ITPR2: variants seen among roughly 807,000 people sequenced by gnomAD.
ITPR2 encodes the protein inositol 1,4,5-trisphosphate-gated calcium channel ITPR2.
A neutral mutation model predicts 317.1 loss-of-function variants in ITPR2; 207 were observed. The ratio of observed to expected loss-of-function variants is 0.65; its 90% CI spans 0.58 to 0.73. The LOEUF is 0.73. ITPR2 is among the 30% of genes least tolerant of loss of function. ITPR2 has a pLI of 0.00. For synonymous variants in ITPR2, 1,156 were observed against 1,149.1 expected (o/e 1.01, Z -0.12); for missense variants, 2,613 against 3,284.0 (o/e 0.80, Z 4.99).
At chr12:26,443,406 C>T in intron 46 of ITPR2, 137 bp downstream of exon 46, 2 of 574,200 alleles carry the variant, frequency 3.5e-6, no homozygotes, top group Non-Finnish European at 6.0e-6. Context: ...CTCACTCATC[C>T]TTTTACTATA....
chr12:26,403,663 A>G (rs1193237272), intron 52 of ITPR2, among the ~76,000 whole-genome samples: 2 of 152,218 alleles, frequency 1.3e-5, no homozygotes, highest in Non-Finnish European at 2.9e-5. Context: ...GCAGTGATGC[A>G]AAGAGACAGA....
rs1377196614 is a variant in ITPR2 at position 26,681,856 on chromosome 12, A to G, written c.1409+18T>C. ...GACAACTGACTCGTGATTATTTAAGACCAATTTAAAGAGTTACCTCCTTTC... is the reference window on the plus strand; with the variant it reads ...GACAACTGACTCGTGATTATTTAAGGCCAATTTAAAGAGTTACCTCCTTTC... On this transcript the variant is annotated intron_variant, in intron 13 of 56. Coordinates refer to ENST00000381340, the MANE Select transcript of ITPR2 (RefSeq NM_002223.4). 7.9e-6 allele frequency: 12 copies of G among 1,518,478 alleles called. No individual in the cohort carries two copies. Among genetic ancestry groups the G allele is most frequent in the Admixed American group, 7.5e-5 (4 of 53,390 alleles). The allele number at this position is 1,518,478 out of a possible 1,614,324, so 94.1% of individuals were successfully genotyped here. A position where few individuals can be genotyped will look rare whatever the true frequency, so the allele number is the denominator to read the frequency against.
At chr12:26,823,088 G>C (rs896094043) in intron 1 of ITPR2, among the ~76,000 whole-genome samples, 2 of 151,990 alleles carry the variant, frequency 1.3e-5, no homozygotes, top group African/African-American at 4.8e-5. Flanking sequence ...CTCCCGCCAG[G>C]TCATCCCAAT....
In ITPR2 at chr12:26,387,433, C is replaced by G. The variant is rs1242494242; in HGVS notation, c.7857+1G>C. 6.2e-7 allele frequency: 1 copy of G among 1,613,136 alleles called. No individual in the cohort carries two copies. ...CAAATTAAAACCTTCTGGTCACTCA[C>G]CACAATCATTTGAGCCACATAACTT... On this transcript the variant is annotated splice_donor_variant, in intron 55 of 56. Coordinates refer to ENST00000381340, the MANE Select transcript of ITPR2 (RefSeq NM_002223.4). LOFTEE classifies it high-confidence loss of function.
In ITPR2 at chr12:26,622,385, T is replaced by A. The variant is rs1288304669; in HGVS notation, c.3143A>T (p.Gln1048Leu). Residue 1048 changes from glutamine (Q) to leucine (L), a missense_variant, in exon 25 of 57, where the codon CAA (glutamine) becomes CTA (leucine). This residue lies in a region of ITPR2 where 817 missense variants were observed against 897.6 expected (regional missense o/e 0.91). Transcript: ENST00000381340. Reference protein sequence around the residue: ...FAGRKEKNPVQLDDEGGRTFL... With the variant: ...FAGRKEKNPVLLDDEGGRTFL... Reference sequence around the variant, plus strand: ...CGTCCTGCCTCCTTCATCGTCAAGTTGAACTGGATTTTTTTCTTTTCTATA... The same window carrying A: ...CGTCCTGCCTCCTTCATCGTCAAGTAGAACTGGATTTTTTTCTTTTCTATA... The A allele has an allele frequency of 6.2e-7, 1 of 1,602,916 alleles. No individual in the cohort carries two copies. Among genetic ancestry groups the A allele is most frequent in the South Asian group, 1.1e-5 (1 of 88,712 alleles).
At chr12:26,804,859 C>G (rs1008597255) in intron 1 of ITPR2, among the ~76,000 whole-genome samples, 1 of 152,122 alleles carries the variant, frequency 6.6e-6, no homozygotes, top group Non-Finnish European at 1.5e-5. Context: ...TTCAGCCTCC[C>G]TATCAGTTGA....
At chr12:26,760,572 C>G (rs1449320342) in intron 2 of ITPR2, among the ~76,000 whole-genome samples, 1 of 152,112 alleles carries the variant, frequency 6.6e-6, no homozygotes, top group Non-Finnish European at 1.5e-5. Context: ...GAGAAGTAAG[C>G]CCTAATGCCC....
intron 37 of ITPR2, among the ~76,000 whole-genome samples, chr12:26,546,206 A>G (rs1475873088): frequency 6.6e-6 from 1 of 152,222 alleles, no homozygotes; most frequent in Non-Finnish European, 1.5e-5. Context: ...TGATCAAGTC[A>G]GTGTATTTGA....
rs74399874 is a variant in ITPR2 at position 26,475,760 on chromosome 12, G to A, written c.6220-342C>T. ...GCTAGAAATTGCCCTGGGAAGTGAG[G>A]ACCCCAACAGTGGATGGGAGAGAGT... is the stretch of plus-strand genomic sequence containing the variant. On this transcript the variant is annotated intron_variant, in intron 44 of 56. Coordinates refer to ENST00000381340, the MANE Select transcript of ITPR2 (RefSeq NM_002223.4). Among the ~76,000 whole-genome samples, 891 of 152,286 alleles carry A rather than the reference G, an allele frequency of 5.9e-3. 16 individuals are homozygous for A. Among genetic ancestry groups the A allele is most frequent in the Admixed American group, 0.031 (473 of 15,300 alleles).
intron 45 of ITPR2, among the ~76,000 whole-genome samples, chr12:26,469,183 T>C (rs1942242951): frequency 2.0e-5 from 3 of 152,216 alleles, no homozygotes; most frequent in African/African-American, 2.4e-5. Context: ...AGCTTCTTGA[T>C]TGCATTTTTA....
At chr12:26,698,609 T>A (rs1056717959) in intron 9 of ITPR2, among the ~76,000 whole-genome samples, 1 of 152,170 alleles carries the variant, frequency 6.6e-6, no homozygotes, top group South Asian at 2.1e-4. Context: ...ATGACAGCAG[T>A]CTTTCAGTTT....
chr12:26,700,074 C>T (rs7302753), intron 9 of ITPR2, among the ~76,000 whole-genome samples: 1,532 of 152,218 alleles, frequency 0.01, 17 homozygotes, highest in Middle Eastern at 0.027. Flanking sequence ...TAAGACATTA[C>T]AACCTAGGAG....
At chr12:26,541,667 T>C (rs552624857) in intron 37 of ITPR2, among the ~76,000 whole-genome samples, 2 of 152,340 alleles carry the variant, frequency 1.3e-5, no homozygotes, top group African/African-American at 4.8e-5. Context: ...ATTGATACAA[T>C]AAGAGGAGCT....
rs1230577314 is a variant in ITPR2 at position 26,578,573 on chromosome 12, G to C, written c.4630+140C>G. On this transcript the variant is annotated intron_variant, in intron 34 of 56. Coordinates refer to ENST00000381340, the MANE Select transcript of ITPR2 (RefSeq NM_002223.4). ...TATGCAACATTCAGAATCATTTGCT[G>C]ATGGCTGCTCTTCAGTTTAACAGAA... The C allele has an allele frequency of 1.1e-5, 7 of 630,530 alleles. No individual in the cohort carries two copies. The East Asian group carries it at 1.7e-4, about 15-fold the overall frequency. The allele number at this position is 630,530 out of a possible 1,614,324, so 39.1% of individuals were successfully genotyped here. A position where few individuals can be genotyped will look rare whatever the true frequency, so the allele number is the denominator to read the frequency against.
At position 26,657,690 on chromosome 12, in the gene ITPR2, T is replaced by C. The variant is rs368536721; in HGVS notation, c.2192+17A>G. 1 of 1,601,772 alleles carries C rather than the reference T, an allele frequency of 6.2e-7. No individual in the cohort carries two copies. Among genetic ancestry groups the C allele is most frequent in the Non-Finnish European group, 8.5e-7 (1 of 1,170,722 alleles). Reference sequence around the variant, plus strand: ...GTGAGACTGGGAATTATTGTAAGATTGTCTATAATACTTAACCTGTAATAG... The same window carrying C: ...GTGAGACTGGGAATTATTGTAAGATCGTCTATAATACTTAACCTGTAATAG... On this transcript the variant is annotated intron_variant, in intron 18 of 56. Transcript: ENST00000381340.
intron 13 of ITPR2, among the ~76,000 whole-genome samples, chr12:26,680,366 GT>G (rs1159815897): frequency 1.3e-5 from 2 of 152,054 alleles, no homozygotes; most frequent in Non-Finnish European, 2.9e-5. Flanking sequence ...ATTTTGGTGA[GT>G]TTTTTCATTA....
At position 26,711,259 on chromosome 12, in the gene ITPR2, G is replaced by A. The variant is rs1164900625; in HGVS notation, c.865C>T (p.His289Tyr). The A allele has an allele frequency of 1.2e-6, 2 of 1,612,266 alleles. No homozygotes were observed. Among genetic ancestry groups the A allele is most frequent in the East Asian group, 4.5e-5 (2 of 44,844 alleles). The stretch of plus-strand genomic sequence containing the variant: ...CCTGCACCCCCACGGCATGGGTCAT[G>A]ATGAACCACCTACAAAGAGAGCAAC... Reference protein sequence around the residue: ...KALWEIEVVHHDPCRGGAGQW... With the variant: ...KALWEIEVVHYDPCRGGAGQW... Residue 289 changes from histidine to tyrosine, a missense_variant, in exon 9 of 57, where the codon CAT becomes TAT. By Grantham distance (83) the His-to-Tyr change is moderately conservative. Coordinates refer to ENST00000381340, the MANE Select transcript of ITPR2 (RefSeq NM_002223.4).
intron 54 of ITPR2, among the ~76,000 whole-genome samples, chr12:26,391,942 G>A (rs555494555): frequency 5.3e-5 from 8 of 152,254 alleles, no homozygotes; most frequent in African/African-American, 1.7e-4. Context: ...GGATTCAGGG[G>A]AAGATTGGGA....
intron 34 of ITPR2, among the ~76,000 whole-genome samples, chr12:26,570,140 A>C (rs979355857): frequency 6.6e-6 from 1 of 152,206 alleles, no homozygotes; most frequent in South Asian, 2.1e-4. Context: ...CTAGAATTTT[A>C]TAACAGGTAG....
Sources: allele counts gnomAD v4.1 joint callset (sites outside exome capture counted in the v4.1 genomes callset), GRCh38; gene constraint gnomAD v4.1.1; regional missense constraint gnomAD v4.1.1; transcripts MANE v1.5; gene names NCBI Gene and HGNC (gene_info 2026-07-23, HGNC 2026-07-21).